Variants in CDC42BPB observed in about 807,000 individuals in gnomAD.
The protein encoded by CDC42BPB is CDC42 binding protein kinase beta.
Under a neutral mutation model 214.9 loss-of-function variants are expected in CDC42BPB, and 37 were observed. The ratio of observed to expected loss-of-function variants is 0.17; its 90% confidence interval spans 0.13 to 0.23. CDC42BPB has a LOEUF of 0.23. Ranked by LOEUF, CDC42BPB falls within the 10% of genes least tolerant of loss-of-function variation. CDC42BPB has a pLI of 1.00. For missense variants in CDC42BPB, 1,694 were observed against 2,227.0 expected (o/e 0.76, Z 4.82); for synonymous variants, 931 against 884.0 (o/e 1.05, Z -0.94).
intron 24 of CDC42BPB, among the ~76,000 whole-genome samples, chr14:102,951,919 A>G (rs1251555568): frequency 5.9e-5 from 9 of 152,238 alleles, no homozygotes; most frequent in Admixed American, 5.2e-4. Flanking sequence ...GATTTTCTAG[A>G]ACAGCTGCAG....
chr14:102,941,603 G>A (rs1305580558), intron 30 of CDC42BPB: 1 of 969,418 alleles, frequency 1.0e-6, no homozygotes, highest in Non-Finnish European at 1.2e-6. Context: ...GAGTATGTGG[G>A]GATTCGCTTG....
Position 102,983,672 on chromosome 14 carries a change from C to T in CDC42BPB, c.775G>A (p.Gly259Arg). The T allele has an allele frequency of 6.2e-7, 1 of 1,614,002 alleles. No homozygotes were observed. Among genetic ancestry groups the T allele is most frequent in the Non-Finnish European group, 8.5e-7 (1 of 1,180,036 alleles). Residue 259 changes from glycine (G) to arginine (R), a missense_variant, in exon 7 of 37, where the codon GGG becomes AGG. By Grantham distance (125) the Gly-to-Arg change is moderately radical. This residue lies in a region of CDC42BPB where 225 missense variants were observed against 459.3 expected (regional missense o/e 0.49). Transcript: ENST00000361246. ...AGAGACCACCAGTCACACTCAGGCCCGTATTTGCCCATGCCGTCCTCCATC... is the reference window on the plus strand; with the variant it reads ...AGAGACCACCAGTCACACTCAGGCCTGTATTTGCCCATGCCGTCCTCCATC... ...QAMEDGMGKY[G>R]PECDWWSLGV...
chr14:103,053,566 C>T (rs1015568276), intron 1 of CDC42BPB, among the ~76,000 whole-genome samples: 18 of 151,634 alleles, frequency 1.2e-4, no homozygotes, highest in Admixed American at 6.6e-4. Flanking sequence ...TCGAGACCAT[C>T]CTGGCTAACA....
chr14:102,952,168 G>A (rs1437072312), intron 24 of CDC42BPB, among the ~76,000 whole-genome samples: 4 of 152,072 alleles, frequency 2.6e-5, no homozygotes, highest in Non-Finnish European at 5.9e-5. Flanking sequence ...GAAACAAAGT[G>A]AGATCCCTCA....
chr14:102,962,951 G>A, intron 20 of CDC42BPB, 110 bp downstream of exon 20: 1 of 559,210 alleles, frequency 1.8e-6, no homozygotes, highest in East Asian at 3.0e-5. Context: ...ACTGAATTTG[G>A]AATTCTGTAG....
chr14:102,969,586 C>T (rs577488418), intron 14 of CDC42BPB, among the ~76,000 whole-genome samples: 1 of 152,352 alleles, frequency 6.6e-6, no homozygotes, highest in South Asian at 2.1e-4. Flanking sequence ...AGGGCAGACC[C>T]ATCGCACGCG....
chr14:102,973,379 G>T (rs35689629), intron 12 of CDC42BPB, among the ~76,000 whole-genome samples: 2 of 152,156 alleles, frequency 1.3e-5, no homozygotes, highest in South Asian at 4.1e-4. Flanking sequence ...TAGAAAACAC[G>T]CATATAATTG....
Position 102,940,064 on chromosome 14 carries a change from A to G in CDC42BPB, c.4573T>C (p.Phe1525Leu), listed in dbSNP as rs1380358092. Residue 1525 changes from phenylalanine to leucine, a missense_variant, in exon 32 of 37, where the codon TTC becomes CTC. By Grantham distance (22) the Phe-to-Leu change is conservative. Around this residue, in one of 7 missense-constraint regions of CDC42BPB, gnomAD observed 567 missense variants for 790.3 expected, o/e 0.72. Transcript: ENST00000361246. ...LNCEPPRLIYFKSKFSGAVLN... is the reference protein window; with the variant it reads ...LNCEPPRLIYLKSKFSGAVLN... The stretch of plus-strand genomic sequence containing the variant: ...GGCTCACCCGAGAACTTGCTCTTGA[A>G]GTAGATCAAGCGTGGAGGCTCGCAG... 3 of 1,613,940 alleles carry G rather than the reference A, an allele frequency of 1.9e-6. No individual in the cohort carries two copies. Among genetic ancestry groups the G allele is most frequent in the Non-Finnish European group, 1.7e-6 (2 of 1,180,010 alleles).
At chr14:102,964,908 ATTTCTTTTCT>A (rs763311027) in intron 18 of CDC42BPB, 115 of 412,196 alleles carry the variant, frequency 2.8e-4, no homozygotes, top group Non-Finnish European at 3.3e-4. Context: ...CTGTAGTGCA[ATTTCTTTTCT>A]TTTCTTTTCT....
chr14:103,039,292 CAAAAAAAA>C (rs202028122), intron 1 of CDC42BPB, among the ~76,000 whole-genome samples: 3 of 70,642 alleles, frequency 4.2e-5, no homozygotes, highest in Admixed American at 1.8e-4. Context: ...GATACCAAAC[CAAAAAAAA>C]AAAAAAAAAA....
Position 102,933,543 on chromosome 14 carries a change from A to C in CDC42BPB, c.*169T>G, listed in dbSNP as rs1891491808. 3.6e-6 allele frequency: 2 copies of C among 551,678 alleles called. No homozygotes were observed. The highest frequency in any genetic ancestry group is 3.5e-5 in the East Asian group (1 of 28,596). The allele number at this position is 551,678 out of a possible 1,614,324, so 34.2% of individuals were successfully genotyped here. The stretch of plus-strand genomic sequence containing the variant: ...ACAGATGTGGTCTACTGCCACGAAC[A>C]ATGCGGCATAAAACTGATCAATATT... On this transcript the variant is annotated 3_prime_UTR_variant, in exon 37 of 37. Transcript: ENST00000361246.
intron 30 of CDC42BPB, chr14:102,940,534 C>A (rs1181317757): frequency 7.6e-7 from 1 of 1,320,384 alleles, no homozygotes; most frequent in African/African-American, 1.5e-5. Flanking sequence ...TTTAAATGCT[C>A]CACAATCACT....
In CDC42BPB at chr14:102,949,749, C is replaced by T; in HGVS notation, c.3449+16G>A. On this transcript the variant is annotated intron_variant, in intron 26 of 36. Transcript: ENST00000361246. ...GAAGATTCACAGAGCAAGGACAGTG[C>T]TGCCCAAACGCAGACCTGAGATCCA... 1 of 1,613,150 alleles carries T rather than the reference C, an allele frequency of 6.2e-7. No individual in the cohort carries two copies. Among genetic ancestry groups the T allele is most frequent in the South Asian group, 1.1e-5 (1 of 91,084 alleles).
At chr14:102,989,470 A>G (rs1177116116) in intron 5 of CDC42BPB, among the ~76,000 whole-genome samples, 3 of 152,276 alleles carry the variant, frequency 2.0e-5, no homozygotes, top group Non-Finnish European at 4.4e-5. Context: ...TTCTACATTT[A>G]TAATTGCAAA....
chr14:103,055,231 T>C (rs1425486664), intron 1 of CDC42BPB, among the ~76,000 whole-genome samples: 1 of 152,220 alleles, frequency 6.6e-6, no homozygotes, highest in African/African-American at 2.4e-5. Context: ...AAGACCAGCC[T>C]GGCCAACACT....
At chr14:102,963,552 C>A (rs200311023) in intron 19 of CDC42BPB, among the ~76,000 whole-genome samples, 3 of 152,218 alleles carry the variant, frequency 2.0e-5, no homozygotes, top group South Asian at 2.1e-4. Flanking sequence ...ACCACCCGCA[C>A]GGGTAGCCTT....
Position 102,979,220 on chromosome 14 carries a change from T to G in CDC42BPB, c.1141-1015A>C, listed in dbSNP as rs1893890665. Among the ~76,000 whole-genome samples the G allele has an allele frequency of 2.6e-5, 4 of 151,858 alleles. No individual in the cohort carries two copies. The South Asian group carries it at 8.4e-4, about 32-fold the overall frequency. ...CAAATAGATTTAACTTTTCTTGTTT[T>G]TTTTTTTTTTTGAGATGGACTCTCG... On this transcript the variant is annotated intron_variant, in intron 8 of 36. Coordinates refer to ENST00000361246, the MANE Select transcript of CDC42BPB (RefSeq NM_006035.4).
intron 7 of CDC42BPB, among the ~76,000 whole-genome samples, chr14:102,983,201 C>T (rs114320872): frequency 0.067 from 10,184 of 152,240 alleles, 414 homozygotes; most frequent in Middle Eastern, 0.13. Context: ...TACCCCCGGG[C>T]GCCTCACTCC....
At chr14:103,053,542 A>T (rs535735049) in intron 1 of CDC42BPB, among the ~76,000 whole-genome samples, 2 of 151,930 alleles carry the variant, frequency 1.3e-5, no homozygotes, top group African/African-American at 4.8e-5. Context: ...GGGGCAGATC[A>T]CGAGGTCTGG....
Sources: allele counts gnomAD v4.1 joint callset (sites outside exome capture counted in the v4.1 genomes callset), GRCh38; gene constraint gnomAD v4.1.1; regional missense constraint gnomAD v4.1.1; transcripts MANE v1.5; gene names NCBI Gene and HGNC (gene_info 2026-07-23, HGNC 2026-07-21).